CEL: variants seen among roughly 807,000 people sequenced by gnomAD.
CEL encodes the protein bile salt-activated lipase.
A neutral mutation model predicts 57.1 loss-of-function variants in CEL; 39 were observed. That is an observed-to-expected ratio of 0.68 (90% CI 0.53 to 0.89). CEL has a LOEUF of 0.89. Among genes scored for constraint, CEL ranks in the 40% least tolerant of loss-of-function variants. The probability of loss-of-function intolerance (pLI) is 0.00; values close to 1 mark genes in which losing one functional copy is unlikely to be tolerated. For synonymous variants in CEL, 314 were observed against 396.6 expected, an observed-to-expected ratio of 0.79 and a Z score of 2.48; for missense variants, 698 against 915.0, an observed-to-expected ratio of 0.76 and a Z score of 3.06.
chr9:133,064,290 C>A, intron 1 of CEL, 114 bp from the exon 2 acceptor site: 1 of 1,430,860 alleles, frequency 7.0e-7, no homozygotes, highest in Non-Finnish European at 9.6e-7. Flanking sequence ...CAGAGCTGTC[C>A]TGCTTTGAAG....
chr9:133,067,704 G>T (rs1211557879), intron 7 of CEL, among the ~76,000 whole-genome samples: 5 of 152,104 alleles, frequency 3.3e-5, no homozygotes, highest in African/African-American at 7.2e-5. Flanking sequence ...ATGAGTTACA[G>T]ACTCCCCTTT....
chr9:133,065,083 C>T lies in CEL; in HGVS notation c.384C>T (p.Ala128=). Residue 128 remains alanine (A), a synonymous_variant, in exon 4 of 11, where the codon GCC becomes GCT. Coordinates refer to ENST00000372080, the MANE Select transcript of CEL (RefSeq NM_001807.6). Reference sequence around the variant, plus strand: ...TTATGATCTGGATCTATGGAGGCGCCTTCCTCATGGGGTCCGGCCATGGGG... The same window carrying T: ...TTATGATCTGGATCTATGGAGGCGCTTTCCTCATGGGGTCCGGCCATGGGG... ...LPVMIWIYGG[A]FLMGSGHGAN... is the part of the protein sequence containing the mutation. 1 of 1,613,922 alleles carries T rather than the reference C, an allele frequency of 6.2e-7. No individual in the cohort carries two copies. The highest frequency in any genetic ancestry group is 8.5e-7 in the Non-Finnish European group (1 of 1,180,040).
Position 133,066,837 on chromosome 9 carries a change from G to A in CEL, c.670-1G>A, listed in dbSNP as rs1323338882. ...GGTGACGGGATTTCTGGGTCCCGTA[G>A]ACCCTCTCCCCCTACAACAAGGGCC... On this transcript the variant is annotated splice_acceptor_variant, in intron 5 of 10. Coordinates refer to ENST00000372080, the MANE Select transcript of CEL (RefSeq NM_001807.6). LOFTEE classifies it high-confidence loss of function. This position sits in a 1 kb window ranked among gnomAD's most constrained non-coding sequence, Gnocchi z 4.3. 6.2e-7 allele frequency: 1 copy of A among 1,611,876 alleles called. No homozygotes were observed. Among genetic ancestry groups the A allele is most frequent in the Non-Finnish European group, 8.5e-7 (1 of 1,179,274 alleles).
rs758868706 is a variant in CEL at position 133,071,660 on chromosome 9, T to G, written c.2158T>G (p.Ser720Ala). Residue 720 changes from serine (S) to alanine (A), a missense_variant, in exon 11 of 11, where the codon TCC (serine) becomes GCC (alanine). Ser to Ala is a moderately conservative substitution (Grantham distance 99, BLOSUM62 1). Transcript: ENST00000372080. Reference sequence around the variant, plus strand: ...CGCCCCCGTGCCGCCCACGGGTGACTCCGGGGCCCCCCCTGTGCCCCCCAC... The same window carrying G: ...CGCCCCCGTGCCGCCCACGGGTGACGCCGGGGCCCCCCCTGTGCCCCCCAC... ...ETAPVPPTGD[S>A]GAPPVPPTGD... 5.1e-6 allele frequency: 8 copies of G among 1,566,088 alleles called. No individual in the cohort carries two copies. The highest frequency in any genetic ancestry group is 2.3e-5 in the East Asian group (1 of 43,198).
chr9:133,070,353 C>T, intron 9 of CEL, 108 bp from the exon 10 acceptor site: 1 of 908,292 alleles, frequency 1.1e-6, no homozygotes, highest in East Asian at 2.7e-5. Context: ...ATGTGAATTC[C>T]CCAGACACTT....
Position 133,066,515 on chromosome 9 carries a change from C to T in CEL, c.539-15C>T, listed in dbSNP as rs200762866. The T allele has an allele frequency of 2.2e-4, 350 of 1,613,894 alleles. 5 individuals are homozygous for T. In the East Asian group the frequency reaches 7.7e-3, roughly 36 times the overall value. ...CCACTGGTCTCTAGCACCCCCTCCC[C>T]TGCCCTGCCCCCAGGTAACTATGGC... On this transcript the variant is annotated splice_polypyrimidine_tract_variant and intron_variant, in intron 4 of 10. Transcript: ENST00000372080. This position sits in a 1 kb window ranked among gnomAD's most constrained non-coding sequence, Gnocchi z 4.3.
chr9:133,067,219 C>T lies in CEL; in HGVS notation c.895+14C>T, dbSNP rs567714650. The stretch of plus-strand genomic sequence containing the variant: ...CAGGCCTGGAGTGTGAGTAGCTGCT[C>T]GGGTTGGCCCATGGGGTCTCGAGGT... On this transcript the variant is annotated intron_variant, in intron 7 of 10. Coordinates refer to ENST00000372080, the MANE Select transcript of CEL (RefSeq NM_001807.6). 7.9e-5 allele frequency: 128 copies of T among 1,610,866 alleles called. No homozygotes were observed. Among genetic ancestry groups the T allele is most frequent in the South Asian group, 2.7e-4 (25 of 90,946 alleles).
At position 133,071,707 on chromosome 9, in the gene CEL, T is replaced by G; in HGVS notation, c.2205T>G (p.Pro735=). 6.2e-7 allele frequency: 1 copy of G among 1,604,458 alleles called. No individual in the cohort carries two copies. The highest frequency in any genetic ancestry group is 1.4e-5 in the African/African-American group (1 of 73,446). The change falls in exon 11 of 11, where the codon CCT becomes CCG. Residue 735 remains proline, a synonymous_variant. Transcript: ENST00000372080. ...CCACGGGTGACTCTGAGGCTGCCCC[T>G]GTGCCCCCCACAGATGACTCCAAGG... ...VPPTGDSEAA[P]VPPTDDSKEA...
Position 133,067,127 on chromosome 9 carries a change from A to T in CEL, c.817A>T (p.Arg273Trp). 6.2e-7 allele frequency: 1 copy of T among 1,614,162 alleles called. No individual in the cohort carries two copies. The highest frequency in any genetic ancestry group is 8.5e-7 in the Non-Finnish European group (1 of 1,180,024). The change falls in exon 7 of 11, where the codon AGG becomes TGG. Residue 273 changes from arginine to tryptophan, a missense_variant. Physicochemically the swap from Arg to Trp is moderately radical, Grantham distance 101. Transcript: ENST00000372080. The stretch of plus-strand genomic sequence containing the variant: ...GGGTTGCCCTGTGGGTGATGCCGCC[A>T]GGATGGCCCAGTGTCTGAAGGTTAC... Reference protein sequence around the residue: ...KVGCPVGDAARMAQCLKVTDP... With the variant: ...KVGCPVGDAAWMAQCLKVTDP...
At chr9:133,062,580 C>T (rs1311563560) in intron 1 of CEL, among the ~76,000 whole-genome samples, 10 of 140,300 alleles carry the variant, frequency 7.1e-5, no homozygotes, top group Middle Eastern at 3.5e-3. Flanking sequence ...GGTGACAGGG[C>T]GAGACTCTGT....
chr9:133,064,500 T>C lies in CEL; in HGVS notation c.163T>C (p.Phe55Leu), dbSNP rs1830142847. 1 of 1,614,040 alleles carries C rather than the reference T, an allele frequency of 6.2e-7. No individual in the cohort carries two copies. The highest frequency in any genetic ancestry group is 8.5e-7 in the Non-Finnish European group (1 of 1,180,014). Residue 55 changes from phenylalanine (F) to leucine (L), a missense_variant, in exon 2 of 11, where the codon TTC (phenylalanine) becomes CTC (leucine). This residue lies in a region of CEL where 327 missense variants were observed against 374.1 expected (regional missense o/e 0.87). Transcript: ENST00000372080. ...TGTGGACATCTTCAAGGGCATCCCC[T>C]TCGCAGCTCCCACCAAGGCCCTGGA... ...DSVDIFKGIP[F>L]AAPTKALENP... is the part of the protein sequence containing the mutation.
At position 133,066,177 on chromosome 9, in the gene CEL, GGGGCAGGAGAGGTGCAT is replaced by G. The variant is rs978802290; in HGVS notation, c.539-348_539-332del. On this transcript the variant is annotated intron_variant, in intron 4 of 10. Coordinates refer to ENST00000372080, the MANE Select transcript of CEL (RefSeq NM_001807.6). This position sits in a 1 kb window ranked among gnomAD's most constrained non-coding sequence, Gnocchi z 4.3. ...GACACAGACAGGAGGGACTGGGGCA[GGGGCAGGAGAGGTGCAT>G]GGGCCTGACCATCCTGCCCCCGACA... Among the ~76,000 whole-genome samples the G allele has an allele frequency of 2.6e-5, 4 of 152,126 alleles. No individual in the cohort carries two copies. The highest frequency in any genetic ancestry group is 5.9e-5 in the Non-Finnish European group (4 of 68,008).
Position 133,071,357 on chromosome 9 carries a change from G to A in CEL, c.1855G>A (p.Gly619Ser). 1 of 149,664 alleles carries A rather than the reference G, an allele frequency of 6.7e-6. No individual in the cohort carries two copies. Among genetic ancestry groups the A allele is most frequent in the Non-Finnish European group, 1.1e-5 (1 of 88,118 alleles). The allele number at this position is 149,664 out of a possible 1,614,324, so 9.3% of individuals were successfully genotyped here. A position where few individuals can be genotyped will look rare whatever the true frequency, so the allele number is the denominator to read the frequency against. The change falls in exon 11 of 11, where the codon GGT becomes AGT. Residue 619 changes from glycine to serine, a missense_variant. Transcript: ENST00000372080. Reference protein sequence around the residue: ...DSGAPPVPPTGDSGAPPVPPT... With the variant: ...DSGAPPVPPTSDSGAPPVPPT... ...CGGGGCCCCCCCCGTGCCGCCCACG[G>A]GTGACTCCGGGGCCCCCCCCGTGCC... is the stretch of plus-strand genomic sequence containing the variant.
intron 7 of CEL, among the ~76,000 whole-genome samples, chr9:133,067,555 A>G (rs528638300): frequency 6.6e-6 from 1 of 152,186 alleles, no homozygotes; most frequent in East Asian, 1.9e-4. Context: ...CTGTGTGTTT[A>G]GTAGGGATGG....
intron 10 of CEL, 61 bp downstream of exon 10, chr9:133,070,719 G>A (rs1360473996): frequency 1.2e-6 from 2 of 1,610,056 alleles, no homozygotes; most frequent in Admixed American, 1.7e-5. Flanking sequence ...CCCACCACGA[G>A]GCCTTGTTCC....
In CEL at chr9:133,064,358, C is replaced by T. The variant is rs115873608; in HGVS notation, c.67-46C>T. ...TGCCTTGCCCCCTCCGGATTCAGGCCGATGGGGCTTGAGCCCCCCTGACCC... is the reference window on the plus strand; with the variant it reads ...TGCCTTGCCCCCTCCGGATTCAGGCTGATGGGGCTTGAGCCCCCCTGACCC... On this transcript the variant is annotated intron_variant, in intron 1 of 10. Transcript: ENST00000372080. 1.2e-3 allele frequency: 1,927 copies of T among 1,610,566 alleles called. 23 individuals are homozygous for T. In the African/African-American group the frequency reaches 0.022, roughly 19 times the overall value.
At chr9:133,067,517 C>A (rs1830200258) in intron 7 of CEL, among the ~76,000 whole-genome samples, 1 of 152,162 alleles carries the variant, frequency 6.6e-6, no homozygotes, top group African/African-American at 2.4e-5. Flanking sequence ...GGACTACAGG[C>A]ACATGCCACC....
rs1432516122 is a variant in CEL at position 133,066,270 on chromosome 9, C to G, written c.539-260C>G. On this transcript the variant is annotated intron_variant, in intron 4 of 10. Transcript: ENST00000372080. This position sits in a 1 kb window ranked among gnomAD's most constrained non-coding sequence, Gnocchi z 4.3. Reference sequence around the variant, plus strand: ...CAACCCAACCTCCTGGGGACCCACCCCATACAGCACCGCACCCGACTCAGC... The same window carrying G: ...CAACCCAACCTCCTGGGGACCCACCGCATACAGCACCGCACCCGACTCAGC... 6.6e-6 allele frequency among the ~76,000 whole-genome samples: 1 copy of G among 151,968 alleles called. No individual in the cohort carries two copies. The highest frequency in any genetic ancestry group is 1.5e-5 in the Non-Finnish European group (1 of 67,960).
rs1219239619 is a variant in CEL, at chr9:133,065,161, A to C, written c.462A>C (p.Gly154=). The C allele has an allele frequency of 6.2e-7, 1 of 1,613,802 alleles. No individual in the cohort carries two copies. The highest frequency in any genetic ancestry group is 8.5e-7 in the Non-Finnish European group (1 of 1,180,050). ...LYDGEEIATR[G]NVIVVTFNYR... is the part of the protein sequence containing the mutation. ...ACGGCGAGGAGATCGCCACACGCGG[A>C]AACGTCATCGTGGTCACCTTCAACT... Residue 154 remains glycine (G), a synonymous_variant, in exon 4 of 11, where the codon GGA becomes GGC. Transcript: ENST00000372080.
Sources: allele counts gnomAD v4.1 joint callset (sites outside exome capture counted in the v4.1 genomes callset), GRCh38; gene constraint gnomAD v4.1.1; regional missense constraint gnomAD v4.1.1; non-coding constraint Gnocchi (gnomAD v3.1); transcripts MANE v1.5; gene names NCBI Gene and HGNC (gene_info 2026-07-23, HGNC 2026-07-21).